GPR63: variants seen among roughly 807,000 people sequenced by gnomAD.
GPR63 encodes probable G protein-coupled receptor 63.
A neutral mutation model predicts 23.1 loss-of-function variants in GPR63; 12 were observed. The observed-to-expected ratio is 0.52, with a 90% CI of 0.33 to 0.84. The LOEUF (loss-of-function observed/expected upper bound fraction) is 0.84. Among genes scored for constraint, GPR63 ranks in the 40% least tolerant of loss-of-function variants. The probability of loss-of-function intolerance (pLI) is 0.02; values close to 1 mark genes in which losing one functional copy is unlikely to be tolerated. For synonymous variants in GPR63, 172 were observed against 191.1 expected (o/e 0.90, Z 0.82); for missense variants, 472 against 515.6 (o/e 0.92, Z 0.82).
intron 1 of GPR63, among the ~76,000 whole-genome samples, chr6:96,835,454 T>C (rs1385029152): frequency 1.3e-5 from 2 of 152,084 alleles, no homozygotes; most frequent in South Asian, 2.1e-4. Flanking sequence ...AAATACTCAT[T>C]CACAAAACAA....
chr6:96,837,229 C>CT (rs1432499615), intron 1 of GPR63, 39 bp downstream of exon 1: 3 of 152,376 alleles, frequency 2.0e-5, no homozygotes, highest in Non-Finnish European at 4.4e-5. Flanking sequence ...GTCCCGCGGG[C>CT]CGGGGATCGC....
At chr6:96,828,562 T>TAAAAA (rs36063508) in intron 1 of GPR63, among the ~76,000 whole-genome samples, 3 of 114,110 alleles carry the variant, frequency 2.6e-5, no homozygotes, top group East Asian at 2.6e-4. Flanking sequence ...ATAAAAACAG[T>TAAAAA]AAAAAAAAAA....
intron 1 of GPR63, among the ~76,000 whole-genome samples, chr6:96,827,537 T>C (rs1347688775): frequency 1.3e-5 from 2 of 151,996 alleles, no homozygotes; most frequent in Admixed American, 6.6e-5. Context: ...TAATGCCAAA[T>C]AAGAGATGTT....
At chr6:96,832,563 A>G (rs1774615437) in intron 1 of GPR63, among the ~76,000 whole-genome samples, 1 of 152,000 alleles carries the variant, frequency 6.6e-6, no homozygotes. Flanking sequence ...ATGAATGGCC[A>G]TGCCTGGCCT....
intron 1 of GPR63, among the ~76,000 whole-genome samples, chr6:96,818,056 A>G (rs1246402471): frequency 1.3e-5 from 2 of 151,962 alleles, no homozygotes; most frequent in African/African-American, 2.4e-5. Context: ...ATTCACAGCA[A>G]TCTCTCAAAA....
chr6:96,808,889 A>G, intron 1 of GPR63, among the ~76,000 whole-genome samples: 1 of 152,066 alleles, frequency 6.6e-6, no homozygotes, highest in Admixed American at 6.6e-5. Flanking sequence ...CTCATCATTT[A>G]GCATTAGGTA....
At chr6:96,805,528 C>G (rs982669627) in intron 1 of GPR63, among the ~76,000 whole-genome samples, 25 of 152,232 alleles carry the variant, frequency 1.6e-4, no homozygotes, top group African/African-American at 6.0e-4. Flanking sequence ...CTATTCAGAG[C>G]AGGAGTTTAT....
chr6:96,835,039 T>C (rs1308079824), intron 1 of GPR63, among the ~76,000 whole-genome samples: 2 of 152,198 alleles, frequency 1.3e-5, no homozygotes, highest in Non-Finnish European at 2.9e-5. Flanking sequence ...AATTTGCCTA[T>C]TGAAGCTTAA....
intron 1 of GPR63, among the ~76,000 whole-genome samples, chr6:96,832,466 T>A (rs1774612739): frequency 6.7e-6 from 1 of 148,874 alleles, no homozygotes; most frequent in African/African-American, 2.5e-5. Flanking sequence ...AGAGACGGGG[T>A]CTCCTCATAT....
intron 1 of GPR63, among the ~76,000 whole-genome samples, chr6:96,804,071 T>C (rs189742764): frequency 7.2e-4 from 109 of 152,324 alleles, no homozygotes; most frequent in African/African-American, 2.3e-3. Flanking sequence ...TCTTATTCCA[T>C]CTACAGAAAC....
At chr6:96,806,197 T>C (rs1187522388) in intron 1 of GPR63, among the ~76,000 whole-genome samples, 1 of 152,214 alleles carries the variant, frequency 6.6e-6, no homozygotes, top group African/African-American at 2.4e-5. Context: ...GTAAGACACA[T>C]GTGCGACAGA....
At chr6:96,800,864 A>G (rs1773745493) in intron 1 of GPR63, among the ~76,000 whole-genome samples, 1 of 152,250 alleles carries the variant, frequency 6.6e-6, no homozygotes, top group Non-Finnish European at 1.5e-5. Flanking sequence ...TCAGGTATGA[A>G]GAATCTATTC....
intron 1 of GPR63, among the ~76,000 whole-genome samples, chr6:96,827,005 G>C (rs1774454838): frequency 7.4e-6 from 1 of 134,266 alleles, no homozygotes; most frequent in South Asian, 2.4e-4. Context: ...TCATAGGCCT[G>C]AAATAATTAC....
At chr6:96,804,646 AATT>A (rs1249583787) in intron 1 of GPR63, among the ~76,000 whole-genome samples, 2 of 152,078 alleles carry the variant, frequency 1.3e-5, no homozygotes, top group Non-Finnish European at 2.9e-5. Flanking sequence ...ACTCATTCTT[AATT>A]ATTTTAAAGG....
chr6:96,817,464 G>A (rs1385994061), intron 1 of GPR63, among the ~76,000 whole-genome samples: 2 of 152,096 alleles, frequency 1.3e-5, no homozygotes, highest in East Asian at 3.9e-4. Context: ...TGGTAAATTT[G>A]TAGTTATGCC....
chr6:96,799,641 G>A lies in GPR63; in HGVS notation c.91C>T (p.Leu31Phe), dbSNP rs1158686635. ...VYENTYMNIT[L>F]PPPFQHPDLS... ...TCAGGATGCTGGAATGGTGGAGGGA[G>A]TGTAATATTCATGTAGGTGTTTTCA... The change falls in exon 2 of 2, where the codon CTC becomes TTC. Residue 31 changes from leucine to phenylalanine, a missense_variant. By Grantham distance (22) the Leu-to-Phe change is conservative. Transcript: ENST00000229955. 21 of 1,614,038 alleles carry A rather than the reference G, an allele frequency of 1.3e-5. No homozygotes were observed. Among genetic ancestry groups the A allele is most frequent in the Middle Eastern group, 3.3e-4 (2 of 6,084 alleles).
chr6:96,808,380 A>T (rs1325361648), intron 1 of GPR63, among the ~76,000 whole-genome samples: 1 of 152,230 alleles, frequency 6.6e-6, no homozygotes, highest in Non-Finnish European at 1.5e-5. Context: ...TGCAGATGGT[A>T]CAAATATCTG....
Position 96,802,531 on chromosome 6 carries a change from T to C in GPR63, c.-150-2650A>G, listed in dbSNP as rs7749297. Reference sequence around the variant, plus strand: ...GAAAAACACATCAGTAGATAAAAAATTTTTTCTAATTTTTTTTTTTTTTTT... The same window carrying C: ...GAAAAACACATCAGTAGATAAAAAACTTTTTCTAATTTTTTTTTTTTTTTT... On this transcript the variant is annotated intron_variant, in intron 1 of 1. Coordinates refer to ENST00000229955, the MANE Select transcript of GPR63 (RefSeq NM_030784.4). Among the ~76,000 whole-genome samples, 4 of 149,648 alleles carry C rather than the reference T, an allele frequency of 2.7e-5. No individual in the cohort carries two copies. The East Asian group carries it at 7.9e-4, about 30-fold the overall frequency.
intron 1 of GPR63, among the ~76,000 whole-genome samples, chr6:96,834,209 T>G (rs932324487): frequency 3.3e-5 from 5 of 152,232 alleles, no homozygotes; most frequent in African/African-American, 1.2e-4. Context: ...AAACCATTTT[T>G]ACAAGCATGG....
Sources: gnomAD v4.1 joint callset for allele counts (sites outside exome capture counted in the v4.1 genomes callset) on GRCh38, gnomAD v4.1.1 for gene constraint, MANE v1.5 for transcripts, NCBI Gene and HGNC (gene_info 2026-07-23, HGNC 2026-07-21) for gene names.